Variants in MS4A8 observed in about 807,000 individuals in gnomAD.
The protein encoded by MS4A8 is membrane spanning 4-domains A8.
Under a neutral mutation model 23.7 loss-of-function variants are expected in MS4A8, and 27 were observed. That is an observed-to-expected ratio of 1.14 (90% CI 0.84 to 1.57). MS4A8 has a LOEUF of 1.57. Ranked by LOEUF, MS4A8 falls within the 40% of genes most tolerant of loss-of-function variation. MS4A8 has a pLI of 0.00. For synonymous variants in MS4A8, 138 were observed against 126.3 expected, an observed-to-expected ratio of 1.09 and a Z score of -0.62; for missense variants, 301 against 311.4, an observed-to-expected ratio of 0.97 and a Z score of 0.25.
chr11:60,700,912 GCACCC>G lies in MS4A8; in HGVS notation c.56_60del (p.Pro19GlnfsTer32). 6.2e-7 allele frequency: 1 copy of G among 1,614,136 alleles called. No individual in the cohort carries two copies. The highest frequency in any genetic ancestry group is 8.5e-7 in the Non-Finnish European group (1 of 1,180,010). On this transcript the variant is annotated frameshift_variant, in exon 2 of 7. Coordinates refer to ENST00000300226, the MANE Select transcript of MS4A8 (RefSeq NM_031457.2). LOFTEE classifies it high-confidence loss of function. ...GGTGGCCAATTCTGTGTTGGTGGTG[GCACCC>G]CACAATGGTTATCCTGTGACCCCAG...
chr11:60,713,963 G>C (rs1182263506), intron 5 of MS4A8, among the ~76,000 whole-genome samples: 1 of 141,048 alleles, frequency 7.1e-6, no homozygotes, highest in Non-Finnish European at 1.5e-5. Context: ...TGTCGCCCAG[G>C]CCGGACTGCG....
At chr11:60,708,274 G>T (rs2088273877) in intron 4 of MS4A8, among the ~76,000 whole-genome samples, 1 of 152,190 alleles carries the variant, frequency 6.6e-6, no homozygotes, top group Non-Finnish European at 1.5e-5. Flanking sequence ...AAGGCTCTGA[G>T]AAGTCCCACC....
Position 60,707,849 on chromosome 11 carries a change from A to G in MS4A8, c.403-801A>G, listed in dbSNP as rs1590954137. Among the ~76,000 whole-genome samples, 7 of 109,670 alleles carry G rather than the reference A, an allele frequency of 6.4e-5. No individual in the cohort carries two copies. The South Asian group carries it at 2.3e-3, about 36-fold the overall frequency. The allele number at this position is 109,670 out of a possible 152,430, so 71.9% of individuals were successfully genotyped here. A position where few individuals can be genotyped will look rare whatever the true frequency, so the allele number is the denominator to read the frequency against. ...TTTTTTTTTTTTGTGTGTGTGTGTG[A>G]GACAGAGTCTCACTGTGTCCCCCAG... is the stretch of plus-strand genomic sequence containing the variant. On this transcript the variant is annotated intron_variant, in intron 4 of 6. Transcript: ENST00000300226.
chr11:60,707,885 A>G (rs1010310998), intron 4 of MS4A8, among the ~76,000 whole-genome samples: 3 of 132,134 alleles, frequency 2.3e-5, no homozygotes, highest in Admixed American at 9.2e-5. Context: ...GCTGGAATGC[A>G]GTGGTTTGAT....
At chr11:60,705,624 G>A (rs1227723028) in intron 3 of MS4A8, among the ~76,000 whole-genome samples, 1 of 152,250 alleles carries the variant, frequency 6.6e-6, no homozygotes, top group Admixed American at 6.5e-5. Context: ...AAACAGAAGG[G>A]TGTGAGCCTG....
chr11:60,711,833 T>G (rs1490577023), intron 5 of MS4A8: 2 of 456,094 alleles, frequency 4.4e-6, no homozygotes, highest in African/African-American at 4.0e-5. Flanking sequence ...ATCTTAGTTC[T>G]GCCAATGATT....
In MS4A8 at chr11:60,699,746, C is replaced by T. The variant is rs2088185439; in HGVS notation, c.-31C>T. 1 of 152,362 alleles carries T rather than the reference C, an allele frequency of 6.6e-6. No individual in the cohort carries two copies. Among genetic ancestry groups the T allele is most frequent in the Non-Finnish European group, 1.5e-5 (1 of 68,130 alleles). 9.4% of individuals were successfully genotyped at this position (152,362 alleles called of 1,614,324 possible). A position where few individuals can be genotyped will look rare whatever the true frequency, so the allele number is the denominator to read the frequency against. ...CCACAGCAAAGAAAAGGAATAGGAT[C>T]AAGAGATACGTGGCTGCTGGCAGAG... On this transcript the variant is annotated 5_prime_UTR_variant, in exon 1 of 7. Coordinates refer to ENST00000300226, the MANE Select transcript of MS4A8 (RefSeq NM_031457.2).
chr11:60,707,352 G>A (rs537542923), intron 4 of MS4A8, among the ~76,000 whole-genome samples: 1 of 152,196 alleles, frequency 6.6e-6, no homozygotes, highest in Non-Finnish European at 1.5e-5. Context: ...TTCCTAAGAA[G>A]CCCTGCCACA....
In MS4A8 at chr11:60,715,432, G is replaced by A. The variant is rs780668133; in HGVS notation, c.*18G>A. On this transcript the variant is annotated 3_prime_UTR_variant, in exon 7 of 7. Transcript: ENST00000300226. ...ATAAGTAAGGCTACAGATTCTGGAA[G>A]CATCTTTCACTGGGACCAAAAGAAG... 2.5e-6 allele frequency: 4 copies of A among 1,600,282 alleles called. No individual in the cohort carries two copies. The highest frequency in any genetic ancestry group is 2.2e-5 in the South Asian group (2 of 90,352).
intron 3 of MS4A8, among the ~76,000 whole-genome samples, chr11:60,704,384 G>A (rs2088234880): frequency 6.6e-6 from 1 of 152,082 alleles, no homozygotes; most frequent in African/African-American, 2.4e-5. Flanking sequence ...GCCTCCCAAA[G>A]TGCTGGGATT....
At chr11:60,701,169 C>T in intron 2 of MS4A8, 90 bp downstream of exon 2, 1 of 1,252,572 alleles carries the variant, frequency 8.0e-7, no homozygotes, top group South Asian at 1.3e-5. Context: ...ACAAACACTA[C>T]ATCCCGCAAG....
chr11:60,707,165 A>C, intron 4 of MS4A8, 118 bp downstream of exon 4: 1 of 950,250 alleles, frequency 1.1e-6, no homozygotes, highest in African/African-American at 1.6e-5. Flanking sequence ...ATAACCAGAC[A>C]CACGGTGCTC....
At chr11:60,714,292 T>C (rs367794369) in intron 5 of MS4A8, among the ~76,000 whole-genome samples, 2 of 152,082 alleles carry the variant, frequency 1.3e-5, no homozygotes, top group South Asian at 2.1e-4. Flanking sequence ...GCACAACCCT[T>C]AATCCATCTA....
chr11:60,701,260 C>G, intron 2 of MS4A8, 181 bp downstream of exon 2: 1 of 708,354 alleles, frequency 1.4e-6, no homozygotes, highest in Non-Finnish European at 2.6e-6. Context: ...GGCCTCTGCT[C>G]AGACCTTGTA....
Position 60,703,460 on chromosome 11 carries a change from T to C in MS4A8, c.302T>C (p.Ile101Thr). Residue 101 changes from isoleucine (I) to threonine (T), a missense_variant, in exon 3 of 7, where the codon ATT becomes ACT. By Grantham distance (89) the Ile-to-Thr change is moderately conservative (BLOSUM62 -1). Transcript: ENST00000300226. The part of the protein sequence containing the change: ...ATVLVGEYLS[I>T]SFYGGFPFWG... The stretch of plus-strand genomic sequence containing the variant: ...GTTCTCGTAGGGGAATACCTGTCTA[T>C]TTCATTCTACGGAGGCTTTCCCTTC... 1 of 1,609,374 alleles carries C rather than the reference T, an allele frequency of 6.2e-7. No homozygotes were observed. Among genetic ancestry groups the C allele is most frequent in the South Asian group, 1.1e-5 (1 of 90,064 alleles).
At chr11:60,709,155 G>C (rs952467844) in intron 5 of MS4A8, 1 of 254,220 alleles carries the variant, frequency 3.9e-6, no homozygotes, top group African/African-American at 2.3e-5. Context: ...AGCAGTTAAG[G>C]TTTTGCAGGC....
intron 5 of MS4A8, 141 bp from the exon 6 acceptor site, chr11:60,714,880 T>A: frequency 1.5e-6 from 1 of 646,564 alleles, no homozygotes; most frequent in Non-Finnish European, 2.8e-6. Context: ...AAAAACCCGG[T>A]GGGAAATTTC....
chr11:60,710,606 C>A (rs543491834), intron 5 of MS4A8, among the ~76,000 whole-genome samples: 1 of 152,330 alleles, frequency 6.6e-6, no homozygotes, highest in South Asian at 2.1e-4. Context: ...AGCCTCCTGA[C>A]TGTTCCCTTT....
At chr11:60,713,661 A>C (rs952018889) in intron 5 of MS4A8, among the ~76,000 whole-genome samples, 2 of 151,502 alleles carry the variant, frequency 1.3e-5, no homozygotes, top group Non-Finnish European at 2.9e-5. Context: ...CTCTTACCTC[A>C]ACTGCAAAGA....
Sources: gnomAD v4.1 joint callset for allele counts (sites outside exome capture counted in the v4.1 genomes callset) on GRCh38, gnomAD v4.1.1 for gene constraint, MANE v1.5 for transcripts, NCBI Gene and HGNC (gene_info 2026-07-23, HGNC 2026-07-21) for gene names.